CNTNAP2: variants seen among roughly 807,000 people sequenced by gnomAD.
The protein encoded by CNTNAP2 is contactin associated protein 2, also known as contactin-associated protein-like 2.
A neutral mutation model predicts 155.2 loss-of-function variants in CNTNAP2; 98 were observed. The observed-to-expected ratio is 0.63, with a 90% CI of 0.54 to 0.75. The LOEUF is 0.75. CNTNAP2 is among the 30% of genes least tolerant of loss of function. CNTNAP2 has a pLI of 0.00. For missense variants in CNTNAP2, 1,727 were observed against 1,688.1 expected (o/e 1.02, Z -0.40); for synonymous variants, 651 against 631.2 (o/e 1.03, Z -0.47).
chr7:146,244,803 T>C (rs1294649467), intron 1 of CNTNAP2, among the ~76,000 whole-genome samples: 1 of 152,094 alleles, frequency 6.6e-6, no homozygotes, highest in Non-Finnish European at 1.5e-5. Context: ...TCTCAGACCC[T>C]GTAGGAAAGG....
chr7:146,930,251 T>C lies in CNTNAP2; in HGVS notation c.402+90347T>C, dbSNP rs571724425. ...TAACAGCGGATCTCTCGGCAGAAACTCTACAAGCCAGAAGAGAGTGGGGGC... is the reference window on the plus strand; with the variant it reads ...TAACAGCGGATCTCTCGGCAGAAACCCTACAAGCCAGAAGAGAGTGGGGGC... On this transcript the variant is annotated intron_variant, in intron 3 of 23. Coordinates refer to ENST00000361727, the MANE Select transcript of CNTNAP2 (RefSeq NM_014141.6). Among the ~76,000 whole-genome samples, 607 of 152,182 alleles carry C rather than the reference T, an allele frequency of 4.0e-3. 3 individuals carry two copies. The highest frequency in any genetic ancestry group is 6.9e-3 in the Non-Finnish European group (467 of 68,022).
intron 11 of CNTNAP2, among the ~76,000 whole-genome samples, chr7:147,500,485 C>CT (rs1184416039): frequency 6.6e-6 from 1 of 152,134 alleles, no homozygotes; most frequent in Non-Finnish European, 1.5e-5. Context: ...CATAAGCTCT[C>CT]TATCCACTGT....
chr7:147,056,865 G>A (rs1799571746), intron 4 of CNTNAP2, among the ~76,000 whole-genome samples: 1 of 151,990 alleles, frequency 6.6e-6, no homozygotes, highest in African/African-American at 2.4e-5. Flanking sequence ...CGACCTCCTG[G>A]GCTTAAGCAA....
chr7:148,173,638 T>C (rs900961686), intron 18 of CNTNAP2, among the ~76,000 whole-genome samples: 1 of 152,196 alleles, frequency 6.6e-6, no homozygotes, highest in Non-Finnish European at 1.5e-5. Context: ...TGCAGAATAA[T>C]ACCAAAGCAC....
At chr7:147,701,429 G>T (rs113776310) in intron 13 of CNTNAP2, among the ~76,000 whole-genome samples, 1 of 152,094 alleles carries the variant, frequency 6.6e-6, no homozygotes, top group Non-Finnish European at 1.5e-5. Flanking sequence ...GCCAATAAAA[G>T]CCATAAAAAT....
At chr7:147,999,558 T>C (rs545038414) in intron 15 of CNTNAP2, among the ~76,000 whole-genome samples, 9 of 152,344 alleles carry the variant, frequency 5.9e-5, no homozygotes, top group Non-Finnish European at 1.2e-4. Flanking sequence ...GTGATTGTTG[T>C]GGGTTGAATA....
intron 10 of CNTNAP2, 47 bp from the exon 11 acceptor site, chr7:147,485,888 T>C: frequency 6.3e-7 from 1 of 1,593,596 alleles, no homozygotes; most frequent in East Asian, 2.2e-5. Context: ...CACTCATAAA[T>C]CTCATTTGTT....
Position 148,073,195 on chromosome 7 carries a change from A to T in CNTNAP2, c.2384-44923A>T, listed in dbSNP as rs149565345. 3.4e-3 allele frequency among the ~76,000 whole-genome samples: 521 copies of T among 152,294 alleles called. 2 individuals carry two copies. The highest frequency in any genetic ancestry group is 0.012 in the African/African-American group (497 of 41,562). ...ACACTGAAAACTTAGAATACACCGC[A>T]TAAAATATGAGCTGGTAGGCTGCGT... On this transcript the variant is annotated intron_variant, in intron 15 of 23. Transcript: ENST00000361727.
At chr7:148,337,274 T>C (rs1362687093) in intron 21 of CNTNAP2, among the ~76,000 whole-genome samples, 1 of 151,234 alleles carries the variant, frequency 6.6e-6, no homozygotes, top group Non-Finnish European at 1.5e-5. Flanking sequence ...AAGAAAGCCC[T>C]CCCCCTGCAC....
At chr7:146,859,678 T>TAA (rs1172713723) in intron 3 of CNTNAP2, among the ~76,000 whole-genome samples, 1 of 151,696 alleles carries the variant, frequency 6.6e-6, no homozygotes, top group African/African-American at 2.4e-5. Flanking sequence ...AAAATATATA[T>TAA]AATCCTAACT....
At chr7:146,580,731 G>A (rs887656900) in intron 1 of CNTNAP2, among the ~76,000 whole-genome samples, 2 of 152,044 alleles carry the variant, frequency 1.3e-5, no homozygotes, top group Non-Finnish European at 2.9e-5. Flanking sequence ...TAGAATTGCT[G>A]ATTTGTTTTG....
At chr7:147,255,736 ATGTT>A (rs758317792) in intron 8 of CNTNAP2, among the ~76,000 whole-genome samples, 9 of 151,812 alleles carry the variant, frequency 5.9e-5, no homozygotes, top group Non-Finnish European at 7.4e-5. Flanking sequence ...TTTTATTTCT[ATGTT>A]TGTTTGTTTA....
intron 3 of CNTNAP2, among the ~76,000 whole-genome samples, chr7:146,898,098 A>C (rs1173268128): frequency 6.6e-6 from 1 of 152,006 alleles, no homozygotes; most frequent in Non-Finnish European, 1.5e-5. Context: ...TATTATTTTG[A>C]TCTTTTGAAA....
chr7:147,920,381 G>A (rs1024740970), intron 14 of CNTNAP2, among the ~76,000 whole-genome samples: 3 of 138,132 alleles, frequency 2.2e-5, no homozygotes, highest in Admixed American at 7.4e-5. Flanking sequence ...AAAAAAGCAT[G>A]TCTCTGAAAG....
Position 146,154,335 on chromosome 7 carries a change from A to C in CNTNAP2, c.97+37362A>C, listed in dbSNP as rs532886593. On this transcript the variant is annotated intron_variant, in intron 1 of 23. Transcript: ENST00000361727. ...TGGTTGTTTTTCAGTTTTATGCAAG[A>C]CTTGCTATACCTAATTCTACAAGCT... is the stretch of plus-strand genomic sequence containing the variant. 4.6e-5 allele frequency among the ~76,000 whole-genome samples: 7 copies of C among 152,270 alleles called. No individual in the cohort carries two copies. In the South Asian group the frequency reaches 1.5e-3, roughly 32 times the overall value.
intron 15 of CNTNAP2, among the ~76,000 whole-genome samples, chr7:148,060,658 T>G (rs1021094382): frequency 6.6e-6 from 1 of 152,240 alleles, no homozygotes; most frequent in African/African-American, 2.4e-5. Flanking sequence ...ATGCATATTT[T>G]AATAGTTAAT....
chr7:147,645,199 G>A (rs981883955), intron 13 of CNTNAP2, among the ~76,000 whole-genome samples: 1 of 152,088 alleles, frequency 6.6e-6, no homozygotes, highest in Admixed American at 6.5e-5. Flanking sequence ...TAGTGGCTTT[G>A]AAAAGACAAG....
chr7:147,170,967 T>C (rs193077089), intron 8 of CNTNAP2, among the ~76,000 whole-genome samples: 27 of 152,112 alleles, frequency 1.8e-4, no homozygotes, highest in African/African-American at 5.1e-4. Flanking sequence ...TGGAGAGCCC[T>C]GAGAGACGGG....
intron 13 of CNTNAP2, among the ~76,000 whole-genome samples, chr7:147,802,043 C>T (rs1442780588): frequency 1.3e-5 from 2 of 150,776 alleles, no homozygotes. Context: ...GGCGGAGGGG[C>T]TCCTCACTTC....
Sources: gnomAD v4.1 joint callset for allele counts (sites outside exome capture counted in the v4.1 genomes callset) on GRCh38, gnomAD v4.1.1 for gene constraint, MANE v1.5 for transcripts, NCBI Gene and HGNC (gene_info 2026-07-23, HGNC 2026-07-21) for gene names.